The following PRKAG2 variants were observed in gnomAD, a reference collection of about 807,000 sequenced individuals.
PRKAG2 encodes the protein protein kinase AMP-activated non-catalytic subunit gamma 2.
In PRKAG2, 26 loss-of-function variants were observed where a neutral mutation model predicts 69.6. That is an observed-to-expected ratio of 0.37 (90% CI 0.27 to 0.52). The LOEUF is 0.52. Ranked by LOEUF, PRKAG2 falls within the 20% of genes least tolerant of loss-of-function variation. The probability of loss-of-function intolerance (pLI) is 0.90; values close to 1 mark genes in which losing one functional copy is unlikely to be tolerated. For missense variants in PRKAG2, 557 were observed against 740.0 expected (o/e 0.75, Z 2.87); for synonymous variants, 293 against 285.0 (o/e 1.03, Z -0.28).
intron 3 of PRKAG2, among the ~76,000 whole-genome samples, chr7:151,710,337 G>GC (rs1412229273): frequency 1.3e-5 from 2 of 151,968 alleles, no homozygotes; most frequent in Non-Finnish European, 2.9e-5. Context: ...CTTCGCTCTC[G>GC]CCCCCCGCCC....
chr7:151,665,017 G>A (rs1830837196), intron 4 of PRKAG2, among the ~76,000 whole-genome samples: 1 of 152,166 alleles, frequency 6.6e-6, no homozygotes, highest in South Asian at 2.1e-4. Flanking sequence ...GCTAATCCAA[G>A]GCCATGCAAT....
chr7:151,669,417 T>C (rs1400681353), intron 4 of PRKAG2, among the ~76,000 whole-genome samples: 2 of 152,242 alleles, frequency 1.3e-5, no homozygotes, highest in Admixed American at 1.3e-4. Flanking sequence ...ACACTCTTAG[T>C]ATGTGAAACA....
chr7:151,559,102 C>A, intron 15 of PRKAG2: 1 of 985,394 alleles, frequency 1.0e-6, no homozygotes, highest in Non-Finnish European at 1.2e-6. Flanking sequence ...TTCTAGTTAG[C>A]ACAAATGTGC....
intron 3 of PRKAG2, among the ~76,000 whole-genome samples, chr7:151,694,093 T>G (rs1032446076): frequency 6.6e-6 from 1 of 152,154 alleles, no homozygotes; most frequent in African/African-American, 2.4e-5. Flanking sequence ...AGGCTGGTCT[T>G]GAACTCCCGA....
At chr7:151,832,740 A>G (rs1298546157) in intron 1 of PRKAG2, among the ~76,000 whole-genome samples, 1 of 152,004 alleles carries the variant, frequency 6.6e-6, no homozygotes, top group African/African-American at 2.4e-5. Flanking sequence ...TGAGGCGACA[A>G]AAGCTCAGAG....
In PRKAG2 at chr7:151,848,512, C is replaced by CTTTTTTTTTTTTTTT. The variant is rs1158559692; in HGVS notation, c.114+27980_114+27994dup. Among the ~76,000 whole-genome samples the CTTTTTTTTTTTTTTT allele has an allele frequency of 1.6e-4, 10 of 62,250 alleles. 2 individuals are homozygous for CTTTTTTTTTTTTTTT. Among genetic ancestry groups the CTTTTTTTTTTTTTTT allele is most frequent in the African/African-American group, 7.2e-4 (10 of 13,954 alleles). The allele number at this position is 62,250 out of a possible 152,430, so 40.8% of individuals were successfully genotyped here. Reference sequence around the variant, plus strand: ...AACAGATGAAGAAAATACTGCATGTCTTTTTTTTTTTTTTTTTTTTTTTTT... The same window carrying CTTTTTTTTTTTTTTT: ...AACAGATGAAGAAAATACTGCATGTCTTTTTTTTTTTTTTTTTTTTTTTTTTTTTTTTTTTTTTTT... On this transcript the variant is annotated intron_variant, in intron 1 of 15. Coordinates refer to ENST00000287878, the MANE Select transcript of PRKAG2 (RefSeq NM_016203.4).
intron 2 of PRKAG2, among the ~76,000 whole-genome samples, chr7:151,783,686 C>T (rs1396363634): frequency 1.3e-5 from 2 of 151,780 alleles, no homozygotes; most frequent in Admixed American, 1.3e-4. Flanking sequence ...TTTGGGAGGC[C>T]GAGGTGGGTG....
intron 6 of PRKAG2, among the ~76,000 whole-genome samples, chr7:151,578,792 T>C (rs73156292): frequency 0.033 from 5,050 of 152,318 alleles, 86 homozygotes; most frequent in Middle Eastern, 0.082. Flanking sequence ...ACTGCTTTTG[T>C]AACTAAATGG....
intron 13 of PRKAG2, among the ~76,000 whole-genome samples, chr7:151,564,759 T>C (rs893672845): frequency 1.1e-4 from 16 of 151,832 alleles, no homozygotes; most frequent in African/African-American, 3.6e-4. Context: ...CTCATTCATT[T>C]TAGCGGGTCC....
intron 6 of PRKAG2, among the ~76,000 whole-genome samples, chr7:151,593,568 G>C (rs891530872): frequency 6.6e-6 from 1 of 152,148 alleles, no homozygotes; most frequent in Non-Finnish European, 1.5e-5. Context: ...TAAACCTTCT[G>C]GGGGATGGGC....
intron 15 of PRKAG2, chr7:151,557,868 G>A (rs369298576): frequency 8.0e-5 from 76 of 948,496 alleles, no homozygotes; most frequent in African/African-American, 6.2e-4. Flanking sequence ...GTGAAACTCC[G>A]TCTCAAATAA....
chr7:151,618,484 G>A lies in PRKAG2; in HGVS notation c.754+13585C>T, dbSNP rs139341919. Among the ~76,000 whole-genome samples, 562 of 147,768 alleles carry A rather than the reference G, an allele frequency of 3.8e-3. 3 individuals are homozygous for A. The highest frequency in any genetic ancestry group is 0.014 in the African/African-American group (529 of 37,516). On this transcript the variant is annotated intron_variant, in intron 5 of 15. Transcript: ENST00000287878. ...AAAATAAAATAAAATAAAATAGGCC[G>A]GGTGTGGTGGTGGCTCATGCCTGTA...
At chr7:151,808,765 C>G (rs762009850) in intron 1 of PRKAG2, among the ~76,000 whole-genome samples, 1 of 152,160 alleles carries the variant, frequency 6.6e-6, no homozygotes, top group Non-Finnish European at 1.5e-5. Flanking sequence ...AGGCGAACCA[C>G]GACAGATGGC....
At chr7:151,818,728 C>A (rs2078703595) in intron 1 of PRKAG2, among the ~76,000 whole-genome samples, 1 of 152,254 alleles carries the variant, frequency 6.6e-6, no homozygotes, top group Non-Finnish European at 1.5e-5. Context: ...CAAGGCCCAG[C>A]CTCATTGACC....
At chr7:151,656,872 C>A (rs2151417848) in intron 4 of PRKAG2, among the ~76,000 whole-genome samples, 1 of 152,232 alleles carries the variant, frequency 6.6e-6, no homozygotes, top group Non-Finnish European at 1.5e-5. Flanking sequence ...CTCGGTGGCT[C>A]ACGCCTGTAA....
At chr7:151,715,878 C>A (rs867715540) in intron 3 of PRKAG2, among the ~76,000 whole-genome samples, 42 of 152,298 alleles carry the variant, frequency 2.8e-4, no homozygotes, top group Middle Eastern at 3.4e-3. Flanking sequence ...ACTCCACTCT[C>A]CTCGCTCACA....
chr7:151,799,595 C>T (rs2077727296), intron 1 of PRKAG2, among the ~76,000 whole-genome samples: 1 of 152,226 alleles, frequency 6.6e-6, no homozygotes, highest in Admixed American at 6.5e-5. Context: ...TCTGTGATCC[C>T]AGCCACGCAG....
intron 6 of PRKAG2, among the ~76,000 whole-genome samples, chr7:151,582,992 C>T (rs1215548715): frequency 6.6e-6 from 1 of 152,238 alleles, no homozygotes; most frequent in East Asian, 1.9e-4. Flanking sequence ...CCAGTCTATA[C>T]TGACCAAACC....
chr7:151,666,622 G>A (rs1229852817), intron 4 of PRKAG2, among the ~76,000 whole-genome samples: 1 of 152,182 alleles, frequency 6.6e-6, no homozygotes, highest in Non-Finnish European at 1.5e-5. Context: ...TATAGCTGGG[G>A]CTGCCTAATC....
Sources: allele counts gnomAD v4.1 joint callset (sites outside exome capture counted in the v4.1 genomes callset), GRCh38; gene constraint gnomAD v4.1.1; transcripts MANE v1.5; gene names NCBI Gene and HGNC (gene_info 2026-07-23, HGNC 2026-07-21).